The following LRRC28 variants were observed in gnomAD, a reference collection of about 807,000 sequenced individuals.
The protein encoded by LRRC28 is leucine rich repeat containing 28.
A neutral mutation model predicts 45.7 loss-of-function variants in LRRC28; 39 were observed. That is an observed-to-expected ratio of 0.85 (90% CI 0.66 to 1.12). The LOEUF (loss-of-function observed/expected upper bound fraction) is 1.12, where lower values mean the gene tolerates loss of function less well. Among genes scored for constraint, LRRC28 ranks in the 50% most tolerant of loss-of-function variants. LRRC28 has a pLI of 0.00. For synonymous variants in LRRC28, 206 were observed against 178.8 expected, an observed-to-expected ratio of 1.15 and a Z score of -1.22; for missense variants, 435 against 438.5, an observed-to-expected ratio of 0.99 and a Z score of 0.07.
intron 9 of LRRC28, among the ~76,000 whole-genome samples, chr15:99,385,167 CCTT>C (rs61508827): frequency 0.58 from 88,399 of 151,666 alleles, 26,053 homozygotes; most frequent in Middle Eastern, 0.71. Context: ...ACTCAACCTT[CCTT>C]CTTCCTGCCC....
intron 5 of LRRC28, among the ~76,000 whole-genome samples, chr15:99,303,548 A>G (rs988150396): frequency 1.3e-5 from 2 of 152,114 alleles, no homozygotes; most frequent in African/African-American, 4.8e-5. Context: ...AGAATATAAA[A>G]ACGGCCTGGG....
At chr15:99,290,115 G>A (rs548143500) in intron 5 of LRRC28, among the ~76,000 whole-genome samples, 17 of 151,744 alleles carry the variant, frequency 1.1e-4, no homozygotes, top group South Asian at 2.1e-4. Flanking sequence ...AAAATTAGCC[G>A]GGTGTGGTGG....
At chr15:99,302,017 C>A (rs1040064785) in intron 5 of LRRC28, among the ~76,000 whole-genome samples, 1 of 148,496 alleles carries the variant, frequency 6.7e-6, no homozygotes, top group Admixed American at 6.7e-5. Flanking sequence ...TTGTTCTTGG[C>A]GTGAGTTAAT....
At chr15:99,280,016 G>A (rs1235653730) in intron 3 of LRRC28, among the ~76,000 whole-genome samples, 1 of 152,074 alleles carries the variant, frequency 6.6e-6, no homozygotes, top group Non-Finnish European at 1.5e-5. Flanking sequence ...TAGATATGTG[G>A]TTTTTATGAC....
chr15:99,319,180 T>C (rs1439334249), intron 5 of LRRC28, among the ~76,000 whole-genome samples: 1 of 152,162 alleles, frequency 6.6e-6, no homozygotes, highest in East Asian at 1.9e-4. Context: ...ATAATAGTTT[T>C]ATACCAACAA....
At chr15:99,259,644 A>T in intron 2 of LRRC28, 1 of 1,433,120 alleles carries the variant, frequency 7.0e-7, no homozygotes, top group South Asian at 1.1e-5. Context: ...TCTACAAATT[A>T]CCATGCGAGT....
Position 99,280,547 on chromosome 15 carries a change from C to A in LRRC28, c.209+3931C>A, listed in dbSNP as rs533072349. 2.6e-5 allele frequency among the ~76,000 whole-genome samples: 4 copies of A among 151,904 alleles called. No homozygotes were observed. The East Asian group carries it at 7.7e-4, about 29-fold the overall frequency. ...GTTCATGATATTCATTATTCCCTGGCGTGCATAGTTTCTGAAGAAACATCT... is the reference window on the plus strand; with the variant it reads ...GTTCATGATATTCATTATTCCCTGGAGTGCATAGTTTCTGAAGAAACATCT... On this transcript the variant is annotated intron_variant, in intron 3 of 9. Transcript: ENST00000301981.
At chr15:99,257,547 GGT>G in intron 2 of LRRC28, 1 of 499,458 alleles carries the variant, frequency 2.0e-6, no homozygotes, top group African/African-American at 1.9e-5. Flanking sequence ...CGCGGCTGGA[GGT>G]GTGAGGATCC....
chr15:99,352,559 G>T, intron 7 of LRRC28, 88 bp downstream of exon 7: 3 of 1,000,442 alleles, frequency 3.0e-6, no homozygotes, highest in Non-Finnish European at 4.6e-6. Context: ...TTGATGATAT[G>T]CTAAACCAGG....
At chr15:99,349,332 G>C (rs1048391056) in intron 6 of LRRC28, among the ~76,000 whole-genome samples, 1 of 152,042 alleles carries the variant, frequency 6.6e-6, no homozygotes, top group Admixed American at 6.5e-5. Flanking sequence ...GGACTAAAAA[G>C]TTCATAAATG....
chr15:99,262,555 C>A (rs965143561), intron 2 of LRRC28, among the ~76,000 whole-genome samples: 1 of 152,128 alleles, frequency 6.6e-6, no homozygotes, highest in Admixed American at 6.5e-5. Context: ...GCACGCCAGC[C>A]TGGACAACAG....
chr15:99,257,810 A>G (rs1184104046), intron 2 of LRRC28: 1 of 779,210 alleles, frequency 1.3e-6, no homozygotes, highest in Non-Finnish European at 2.4e-6. Context: ...AGTTGGATAA[A>G]TTAAATGCAT....
At chr15:99,281,314 C>A (rs572024917) in intron 3 of LRRC28, among the ~76,000 whole-genome samples, 19 of 152,258 alleles carry the variant, frequency 1.2e-4, no homozygotes, top group Admixed American at 1.0e-3. Flanking sequence ...TGTTGTGATG[C>A]AATCATGGCT....
intron 6 of LRRC28, among the ~76,000 whole-genome samples, chr15:99,349,968 C>T (rs1956820479): frequency 6.6e-6 from 1 of 150,928 alleles, no homozygotes; most frequent in African/African-American, 2.4e-5. Flanking sequence ...AACCCCGTCT[C>T]TACTAAAAAT....
intron 5 of LRRC28, among the ~76,000 whole-genome samples, chr15:99,300,906 T>C (rs2082381663): frequency 6.6e-6 from 1 of 152,246 alleles, no homozygotes; most frequent in Admixed American, 6.5e-5. Flanking sequence ...ATGATTTCTG[T>C]GGTGCTATTC....
At chr15:99,339,860 G>C (rs1451765310) in intron 6 of LRRC28, among the ~76,000 whole-genome samples, 2 of 152,160 alleles carry the variant, frequency 1.3e-5, no homozygotes. Flanking sequence ...AATTAACTGG[G>C]TTTCTAAACC....
At chr15:99,360,079 A>G (rs980885050) in intron 7 of LRRC28, among the ~76,000 whole-genome samples, 2 of 152,150 alleles carry the variant, frequency 1.3e-5, no homozygotes, top group African/African-American at 4.8e-5. Flanking sequence ...AGAAAAAAAA[A>G]CCACACCTAA....
Position 99,255,903 on chromosome 15 carries a change from G to A in LRRC28, c.-55G>A, listed in dbSNP as rs2081003321. 1.3e-6 allele frequency: 2 copies of A among 1,518,218 alleles called. No homozygotes were observed. Among genetic ancestry groups the A allele is most frequent in the Non-Finnish European group, 1.8e-6 (2 of 1,134,742 alleles). 94.0% of individuals were successfully genotyped at this position (1,518,218 alleles called of 1,614,324 possible). Reference sequence around the variant, plus strand: ...TTTTCTCGTTCTCTTTATAGAAATGGACCAATTTTGACAAGATATAGTGCT... The same window carrying A: ...TTTTCTCGTTCTCTTTATAGAAATGAACCAATTTTGACAAGATATAGTGCT... On this transcript the variant is annotated 5_prime_UTR_variant, in exon 2 of 10. Coordinates refer to ENST00000301981, the MANE Select transcript of LRRC28 (RefSeq NM_144598.5).
intron 5 of LRRC28, among the ~76,000 whole-genome samples, chr15:99,312,802 G>A (rs1037166393): frequency 2.0e-5 from 3 of 152,138 alleles, no homozygotes; most frequent in Admixed American, 6.6e-5. Context: ...CTTCTCTGCG[G>A]TCTATTGTTG....
Sources: gnomAD v4.1 joint callset for allele counts (sites outside exome capture counted in the v4.1 genomes callset) on GRCh38, gnomAD v4.1.1 for gene constraint, MANE v1.5 for transcripts, NCBI Gene and HGNC (gene_info 2026-07-23, HGNC 2026-07-21) for gene names.